RPL3: variants seen among roughly 807,000 people sequenced by gnomAD.
RPL3 encodes large ribosomal subunit protein uL3.
In RPL3, 3 loss-of-function variants were observed where a neutral mutation model predicts 46.0. The observed-to-expected ratio is 0.07, with a 90% CI of 0.03 to 0.17. The LOEUF is 0.17. RPL3 is among the 10% of genes least tolerant of loss of function. The probability of loss-of-function intolerance (pLI) is 1.00; values close to 1 mark genes in which losing one functional copy is unlikely to be tolerated. For synonymous variants in RPL3, 224 were observed against 190.8 expected (o/e 1.17, Z -1.43); for missense variants, 387 against 532.7 (o/e 0.73, Z 2.69).
chr22:39,313,928 C>T (rs758430793), intron 7 of RPL3, 179 bp downstream of exon 7: 2 of 834,122 alleles, frequency 2.4e-6, no homozygotes, highest in South Asian at 1.3e-5. Flanking sequence ...TGAGACCCCA[C>T]TTCTCACCAG....
intron 3 of RPL3, chr22:39,317,161 GCCAC>G (rs1430558386): frequency 1.0e-5 from 6 of 578,712 alleles, no homozygotes; most frequent in African/African-American, 7.5e-5. Flanking sequence ...AGAGGCCCTT[GCCAC>G]CCCTATAGGG....
chr22:39,313,447 C>T (rs1369589808), intron 8 of RPL3, 137 bp from the exon 9 acceptor site: 5 of 1,425,208 alleles, frequency 3.5e-6, no homozygotes, highest in Non-Finnish European at 4.8e-6. Flanking sequence ...AGGACACACT[C>T]AAAGCAGCAA....
rs545737675 is a variant in RPL3 at position 39,318,601 on chromosome 22, G to GA, written c.4-10dup. The GA allele has an allele frequency of 2.1e-4, 335 of 1,598,464 alleles. No homozygotes were observed. Among genetic ancestry groups the GA allele is most frequent in the East Asian group, 2.0e-3 (89 of 44,604 alleles). ...GAGAACTTTCTGTGAGACTAGGTGG[G>GA]AAAAAAATCACCGTCAGCACCCAAA... is the stretch of plus-strand genomic sequence containing the variant. On this transcript the variant is annotated splice_polypyrimidine_tract_variant and intron_variant, in intron 1 of 9. Transcript: ENST00000216146.
intron 6 of RPL3, 105 bp downstream of exon 6, chr22:39,314,581 A>T: frequency 7.6e-7 from 1 of 1,315,224 alleles, no homozygotes; most frequent in Non-Finnish European, 1.0e-6. Context: ...TGTCCACGTG[A>T]TGCATAAGCT....
chr22:39,317,786 A>T (rs1213177479), intron 2 of RPL3, 157 bp from the exon 3 acceptor site: 4 of 721,208 alleles, frequency 5.5e-6, no homozygotes, highest in Non-Finnish European at 9.2e-6. Flanking sequence ...CCTATCTCTC[A>T]TTCAAAGCAC....
At chr22:39,313,759 C>T (rs761166795) in intron 7 of RPL3, 30 bp from the exon 8 acceptor site, 3 of 1,604,194 alleles carry the variant, frequency 1.9e-6, no homozygotes, top group Non-Finnish European at 1.7e-6. Context: ...TCAGCACAGG[C>T]CCAGGAGGGG....
chr22:39,317,339 C>A, intron 3 of RPL3, 122 bp downstream of exon 3: 3 of 1,184,034 alleles, frequency 2.5e-6, no homozygotes, highest in Admixed American at 2.6e-5. Context: ...GTTCGAGAGG[C>A]AAACTAAACC....
Position 39,314,746 on chromosome 22 carries a change from G to A in RPL3, c.789C>T (p.Ala263=), listed in dbSNP as rs1447596914. The part of the protein sequence containing the change: ...CIGAWHPARV[A]FSVARAGQKG... ...TCTGCCCAGCGCGTGCCACAGAGAA[G>A]GCTACACGAGCAGGATGCCATGCCC... The change falls in exon 6 of 10, where the codon GCC becomes GCT. Residue 263 remains alanine, a synonymous_variant. Coordinates refer to ENST00000216146, the MANE Select transcript of RPL3 (RefSeq NM_000967.4). 3 of 1,613,670 alleles carry A rather than the reference G, an allele frequency of 1.9e-6. No individual in the cohort carries two copies. Among genetic ancestry groups the A allele is most frequent in the East Asian group, 4.5e-5 (2 of 44,876 alleles).
chr22:39,315,274 C>T lies in RPL3; in HGVS notation c.688+95G>A, dbSNP rs866820430. The T allele has an allele frequency of 8.1e-6, 12 of 1,490,338 alleles. No homozygotes were observed. In the Middle Eastern group the frequency reaches 5.1e-4, roughly 64 times the overall value. The allele number at this position is 1,490,338 out of a possible 1,614,324, so 92.3% of individuals were successfully genotyped here. ...ACACTGTCCGATTCGGGCGCTGTAC[C>T]CAGCGCTCACTCTGAGCCTCATCAA... On this transcript the variant is annotated intron_variant, in intron 5 of 9. Transcript: ENST00000216146.
Position 39,319,577 on chromosome 22 carries a change from C to A in RPL3, c.3+18G>T. On this transcript the variant is annotated intron_variant, in intron 1 of 9. Transcript: ENST00000216146. ...CCGACGCCGGTGACAATGAAACGGC[C>A]GCCATTACAACACATACCATCACGC... 1 of 1,568,990 alleles carries A rather than the reference C, an allele frequency of 6.4e-7. No individual in the cohort carries two copies. Among genetic ancestry groups the A allele is most frequent in the Non-Finnish European group, 8.6e-7 (1 of 1,156,490 alleles).
rs1326027378 is a variant in RPL3 at position 39,314,421 on chromosome 22, G to A, written c.850-213C>T. 1.1e-5 allele frequency: 7 copies of A among 627,650 alleles called. No individual in the cohort carries two copies. The East Asian group carries it at 1.9e-4, about 17-fold the overall frequency. The allele number at this position is 627,650 out of a possible 1,614,324, so 38.9% of individuals were successfully genotyped here. A position where few individuals can be genotyped will look rare whatever the true frequency, so the allele number is the denominator to read the frequency against. ...ACTAAAGATCCTGCTGTACAACACA[G>A]GCCTGTCACCCCCCTGGTGGTGGCA... On this transcript the variant is annotated intron_variant, in intron 6 of 9. Coordinates refer to ENST00000216146, the MANE Select transcript of RPL3 (RefSeq NM_000967.4).
rs1360637183 is a variant in RPL3 at position 39,317,533 on chromosome 22, C to T, written c.293G>A (p.Gly98Asp). Residue 98 changes from glycine (G) to aspartate (D), a missense_variant, in exon 3 of 10, where the codon GGC becomes GAC. Physicochemically the swap from Gly to Asp is moderately conservative, Grantham distance 94. Coordinates refer to ENST00000216146, the MANE Select transcript of RPL3 (RefSeq NM_000967.4). Reference sequence around the variant, plus strand: ...AAAGACAGTCTTGAAGGTCCGGAGGCCTCGAGGGGTTTCCACGTAGCCCAC... The same window carrying T: ...AAAGACAGTCTTGAAGGTCCGGAGGTCTCGAGGGGTTTCCACGTAGCCCAC... Reference protein sequence around the residue: ...GIVGYVETPRGLRTFKTVFAE... With the variant: ...GIVGYVETPRDLRTFKTVFAE... 1.2e-6 allele frequency: 2 copies of T among 1,613,800 alleles called. No homozygotes were observed. Among genetic ancestry groups the T allele is most frequent in the African/African-American group, 2.7e-5 (2 of 74,896 alleles).
chr22:39,313,661 G>A lies in RPL3; in HGVS notation c.1020C>T (p.Thr340=). ...FVMLKGCVVG[T]KKRVLTLRKS... ...TGCGGAGGGTGAGCACCCGCTTCTTGGTTCCCACCACACAGCCTTTCAGCA... is the reference window on the plus strand; with the variant it reads ...TGCGGAGGGTGAGCACCCGCTTCTTAGTTCCCACCACACAGCCTTTCAGCA... The change falls in exon 8 of 10, where the codon ACC becomes ACT. Residue 340 remains threonine, a synonymous_variant. Transcript: ENST00000216146. 6.2e-7 allele frequency: 1 copy of A among 1,614,024 alleles called. No homozygotes were observed.
At position 39,318,422 on chromosome 22, in the gene RPL3, C is replaced by T; in HGVS notation, c.174G>A (p.Arg58=). Reference sequence around the variant, plus strand: ...TACTGGATCCCGGCCTGTCGACTTCCCGCACGATGTGAGTCATGCCAGCCT... The same window carrying T: ...TACTGGATCCCGGCCTGTCGACTTCTCGCACGATGTGAGTCATGCCAGCCT... The part of the protein sequence containing the change: ...GYKAGMTHIV[R]EVDRPGSKVN... Residue 58 remains arginine (R), a synonymous_variant, in exon 2 of 10, where the codon CGG becomes CGA. Coordinates refer to ENST00000216146, the MANE Select transcript of RPL3 (RefSeq NM_000967.4). 1 of 1,613,996 alleles carries T rather than the reference C, an allele frequency of 6.2e-7. No homozygotes were observed. Among genetic ancestry groups the T allele is most frequent in the Non-Finnish European group, 8.5e-7 (1 of 1,179,946 alleles).
At chr22:39,319,110 T>C (rs1254995344) in intron 1 of RPL3, 1 of 539,004 alleles carries the variant, frequency 1.9e-6, no homozygotes, top group African/African-American at 1.9e-5. Flanking sequence ...GTTCATCATC[T>C]GTGGTTTCTG....
chr22:39,314,580 G>A (rs1036425234), intron 6 of RPL3, 106 bp downstream of exon 6: 1 of 1,310,586 alleles, frequency 7.6e-7, no homozygotes, highest in Non-Finnish European at 1.0e-6. Flanking sequence ...ATGTCCACGT[G>A]ATGCATAAGC....
chr22:39,318,291 T>C (rs1391597191), intron 2 of RPL3, 109 bp downstream of exon 2: 5 of 1,137,392 alleles, frequency 4.4e-6, no homozygotes, highest in Non-Finnish European at 6.3e-6. Context: ...AACGTGTAAC[T>C]CCTGCTTAAA....
chr22:39,318,180 C>T (rs1922821643), intron 2 of RPL3: 1 of 539,552 alleles, frequency 1.9e-6, no homozygotes, highest in East Asian at 3.3e-5. Flanking sequence ...GAAATCAATA[C>T]CCCACACCGC....
At chr22:39,313,750 C>T (rs377467710) in intron 7 of RPL3, 21 bp from the exon 8 acceptor site, 2 of 1,609,210 alleles carry the variant, frequency 1.2e-6, no homozygotes, top group African/African-American at 2.7e-5. Flanking sequence ...AGCATCGGAT[C>T]AGCACAGGCC....
Sources: gnomAD v4.1 joint callset for allele counts on GRCh38, gnomAD v4.1.1 for gene constraint, MANE v1.5 for transcripts, NCBI Gene and HGNC (gene_info 2026-07-23, HGNC 2026-07-21) for gene names.